The following ADRA1D variants were observed in gnomAD, a reference collection of about 807,000 sequenced individuals.
ADRA1D encodes the protein alpha-1D adrenergic receptor.
Under a neutral mutation model 18.6 loss-of-function variants are expected in ADRA1D, and 22 were observed. That is an observed-to-expected ratio of 1.19 (90% CI 0.85 to 1.69). ADRA1D has a LOEUF of 1.69. Among genes scored for constraint, ADRA1D ranks in the 40% most tolerant of loss-of-function variants. The pLI, the probability that ADRA1D is intolerant of heterozygous loss-of-function variation, is 0.00. For missense variants in ADRA1D, 840 were observed against 840.7 expected (o/e 1.00, Z 0.01); for synonymous variants, 376 against 388.2 (o/e 0.97, Z 0.37).
Position 4,222,021 on chromosome 20 carries a change from G to C in ADRA1D, c.1221C>G (p.Arg407=). The part of the protein sequence containing the change: ...VNPLIYPCSS[R]EFKRAFLRLL... The stretch of plus-strand genomic sequence containing the variant: ...GACGGAGGAAGGCGCGCTTGAACTC[G>C]CGGCTGGAACAGGGGTAGATGAGCG... Residue 407 remains arginine (R), a synonymous_variant, in exon 2 of 2, where the codon CGC becomes CGG. Coordinates refer to ENST00000379453, the MANE Select transcript of ADRA1D (RefSeq NM_000678.4). This position sits in a 1 kb window ranked among gnomAD's most constrained non-coding sequence, Gnocchi z 4.3. The C allele has an allele frequency of 6.2e-7, 1 of 1,605,674 alleles. No individual in the cohort carries two copies. The highest frequency in any genetic ancestry group is 8.5e-7 in the Non-Finnish European group (1 of 1,175,854).
intron 1 of ADRA1D, among the ~76,000 whole-genome samples, chr20:4,246,527 C>A (rs1284669394): frequency 1.3e-5 from 2 of 151,930 alleles, no homozygotes; most frequent in Non-Finnish European, 2.9e-5. Context: ...GGGGAGGAGC[C>A]CAGAGCAGAG....
intron 1 of ADRA1D, among the ~76,000 whole-genome samples, chr20:4,227,244 G>A (rs7273066): frequency 0.076 from 11,601 of 152,148 alleles, 503 homozygotes; most frequent in African/African-American, 0.11. Context: ...CTTGCCTCTG[G>A]GCTCTTGCAC....
At chr20:4,225,165 C>T (rs993098503) in intron 1 of ADRA1D, among the ~76,000 whole-genome samples, 14 of 151,716 alleles carry the variant, frequency 9.2e-5, no homozygotes, top group Admixed American at 3.3e-4. Context: ...CCATGCCCAG[C>T]TAATTTTTGT....
chr20:4,234,751 A>G (rs1981049860), intron 1 of ADRA1D, among the ~76,000 whole-genome samples: 1 of 152,154 alleles, frequency 6.6e-6, no homozygotes, highest in Non-Finnish European at 1.5e-5. Flanking sequence ...GAGCCTCTCT[A>G]ATACAGTACA....
At chr20:4,238,700 G>A (rs1392436102) in intron 1 of ADRA1D, among the ~76,000 whole-genome samples, 1 of 152,182 alleles carries the variant, frequency 6.6e-6, no homozygotes. Flanking sequence ...TTTCAGAAAT[G>A]CTGTGAGCTC....
In ADRA1D at chr20:4,225,891, C is replaced by T. The variant is rs574942031; in HGVS notation, c.1112-3761G>A. Reference sequence around the variant, plus strand: ...GATGTGTGAAAGAGATTATTTTCCCCGGGAGAGAGGTTGGGCCATCCCTGG... The same window carrying T: ...GATGTGTGAAAGAGATTATTTTCCCTGGGAGAGAGGTTGGGCCATCCCTGG... On this transcript the variant is annotated intron_variant, in intron 1 of 1. Coordinates refer to ENST00000379453, the MANE Select transcript of ADRA1D (RefSeq NM_000678.4). Among the ~76,000 whole-genome samples the T allele has an allele frequency of 1.0e-3, 159 of 152,100 alleles. 1 individual carries two copies. Among genetic ancestry groups the T allele is most frequent in the Non-Finnish European group, 2.0e-3 (137 of 68,010 alleles).
In ADRA1D at chr20:4,248,742, C is replaced by T. The variant is rs745796746; in HGVS notation, c.216G>A (p.Pro72=). The change falls in exon 1 of 2, where the codon CCG becomes CCA. Residue 72 remains proline, a synonymous_variant. Coordinates refer to ENST00000379453, the MANE Select transcript of ADRA1D (RefSeq NM_000678.4). ...GEDNRSSAGE[P]GSAGAGGDVN... ...CGTCGCCGCCCGCGCCCGCGCTCCC[C>T]GGCTCCCCCGCGGAGCTCCGGTTGT... The T allele has an allele frequency of 2.0e-6, 3 of 1,529,686 alleles. 1 individual carries two copies. The South Asian group carries it at 3.7e-5, about 19-fold the overall frequency. 94.8% of individuals were successfully genotyped at this position (1,529,686 alleles called of 1,614,324 possible). A position where few individuals can be genotyped will look rare whatever the true frequency, so the allele number is the denominator to read the frequency against.
rs1980656068 is a variant in ADRA1D, at chr20:4,221,408, C to T, written c.*115G>A. 14 of 1,157,800 alleles carry T rather than the reference C, an allele frequency of 1.2e-5. No homozygotes were observed. Among genetic ancestry groups the T allele is most frequent in the African/African-American group, 1.6e-5 (1 of 64,202 alleles). 71.7% of individuals were successfully genotyped at this position (1,157,800 alleles called of 1,614,324 possible). ...CCTCAGGGATGTCACAGAGCAGCTGCCCTGATCAGTTTCCGGGTCTCCGAT... is the reference window on the plus strand; with the variant it reads ...CCTCAGGGATGTCACAGAGCAGCTGTCCTGATCAGTTTCCGGGTCTCCGAT... On this transcript the variant is annotated 3_prime_UTR_variant, in exon 2 of 2. Transcript: ENST00000379453.
intron 1 of ADRA1D, among the ~76,000 whole-genome samples, chr20:4,231,026 C>CTTTCTTTT (rs1555821005): frequency 8.1e-6 from 1 of 122,900 alleles, no homozygotes; most frequent in Non-Finnish European, 1.7e-5. Context: ...TTTTCTCTTT[C>CTTTCTTTT]TCTTTCTTTC....
intron 1 of ADRA1D, among the ~76,000 whole-genome samples, chr20:4,224,993 G>GTTTTTT (rs562415272): frequency 8.3e-6 from 1 of 120,096 alleles, no homozygotes; most frequent in African/African-American, 3.1e-5. Context: ...GGCCATCTAA[G>GTTTTTT]TTTTTTTTTT....
intron 1 of ADRA1D, among the ~76,000 whole-genome samples, chr20:4,229,931 C>T (rs1199911327): frequency 6.6e-6 from 1 of 152,148 alleles, no homozygotes; most frequent in Non-Finnish European, 1.5e-5. Context: ...CACAGCTCAA[C>T]ATGTCCCCCC....
At chr20:4,228,439 G>A (rs1297103135) in intron 1 of ADRA1D, among the ~76,000 whole-genome samples, 1 of 152,186 alleles carries the variant, frequency 6.6e-6, no homozygotes, top group African/African-American at 2.4e-5. Context: ...GGGGGATTTG[G>A]CAGCCTAAAG....
Position 4,248,587 on chromosome 20 carries a change from T to C in ADRA1D, c.371A>G (p.Asn124Ser), listed in dbSNP as rs767850528. ...NLLVILSVAC[N>S]RHLQTVTNYF... ...GTTGGTGACGGTCTGCAGGTGGCGG[T>C]TGCAGGCCACTGAGAGGATGACAAG... Residue 124 changes from asparagine (N) to serine (S), a missense_variant, in exon 1 of 2, where the codon AAC (asparagine) becomes AGC (serine). Physicochemically the swap from Asn to Ser is conservative, Grantham distance 46. Transcript: ENST00000379453. 3.1e-6 allele frequency: 5 copies of C among 1,613,546 alleles called. No homozygotes were observed. The African/African-American group carries it at 4.0e-5, about 13-fold the overall frequency.
At chr20:4,244,664 TC>T (rs1981293526) in intron 1 of ADRA1D, among the ~76,000 whole-genome samples, 1 of 152,296 alleles carries the variant, frequency 6.6e-6, no homozygotes, top group East Asian at 1.9e-4. Flanking sequence ...ATCTCCCTCC[TC>T]CCAGGCCTGG....
rs1231706179 is a variant in ADRA1D, at chr20:4,235,296, G to A, written c.1111+12551C>T. ...GGCAGCTCCTAGAGCAACGGAGGCT[G>A]CCTGGTGGAGCCCAAGTTCAGGGAG... On this transcript the variant is annotated intron_variant, in intron 1 of 1. Coordinates refer to ENST00000379453, the MANE Select transcript of ADRA1D (RefSeq NM_000678.4). 3.3e-5 allele frequency among the ~76,000 whole-genome samples: 5 copies of A among 152,198 alleles called. No individual in the cohort carries two copies. In the East Asian group the frequency reaches 7.7e-4, roughly 24 times the overall value.
At chr20:4,241,062 A>G (rs1981200342) in intron 1 of ADRA1D, among the ~76,000 whole-genome samples, 1 of 152,196 alleles carries the variant, frequency 6.6e-6, no homozygotes, top group African/African-American at 2.4e-5. Flanking sequence ...AGGCCACAAA[A>G]ATGGGGACTC....
intron 1 of ADRA1D, among the ~76,000 whole-genome samples, chr20:4,232,845 G>A (rs6076636): frequency 6.6e-6 from 1 of 152,082 alleles, no homozygotes; most frequent in South Asian, 2.1e-4. Context: ...GATAGAGAAG[G>A]CCGGCCCCCT....
chr20:4,227,178 C>G lies in ADRA1D; in HGVS notation c.1112-5048G>C, dbSNP rs142135983. On this transcript the variant is annotated intron_variant, in intron 1 of 1. Coordinates refer to ENST00000379453, the MANE Select transcript of ADRA1D (RefSeq NM_000678.4). Reference sequence around the variant, plus strand: ...TGCAGTCCTCTGTCTTCATGTGCAACAGCCAAGTGGCCAGGCTGACTCACT... The same window carrying G: ...TGCAGTCCTCTGTCTTCATGTGCAAGAGCCAAGTGGCCAGGCTGACTCACT... 7.6e-4 allele frequency among the ~76,000 whole-genome samples: 116 copies of G among 152,344 alleles called. 1 individual carries two copies. In the East Asian group the frequency reaches 0.018, roughly 23 times the overall value.
rs764832183 is a variant in ADRA1D at position 4,248,232 on chromosome 20, G to A, written c.726C>T (p.Asp242=). 1.2e-6 allele frequency: 2 copies of A among 1,603,170 alleles called. No individual in the cohort carries two copies. The highest frequency in any genetic ancestry group is 2.2e-5 in the East Asian group (1 of 44,448). Residue 242 remains aspartate (D), a synonymous_variant, in exon 1 of 2, where the codon GAC becomes GAT. Coordinates refer to ENST00000379453, the MANE Select transcript of ADRA1D (RefSeq NM_000678.4). ...CCTCGGTGATACCGCAGAAGCGCTC[G>A]TCAGGGGGCACGGGCTCCTTCCAGC... is the stretch of plus-strand genomic sequence containing the variant. ...LLGWKEPVPP[D]ERFCGITEEA...
Sources: gnomAD v4.1 joint callset for allele counts (sites outside exome capture counted in the v4.1 genomes callset) on GRCh38, gnomAD v4.1.1 for gene constraint, Gnocchi (gnomAD v3.1) non-coding constraint, MANE v1.5 for transcripts, NCBI Gene and HGNC (gene_info 2026-07-23, HGNC 2026-07-21) for gene names.